B3GALNT1: variants seen among roughly 807,000 people sequenced by gnomAD.
B3GALNT1 encodes the protein beta-1,3-N-acetylgalactosaminyltransferase 1 (Globoside blood group).
In B3GALNT1, 17 loss-of-function variants were observed where a neutral mutation model predicts 27.3. The observed-to-expected ratio is 0.62, with a 90% CI of 0.43 to 0.94. The LOEUF (loss-of-function observed/expected upper bound fraction) is 0.94, where lower values mean the gene tolerates loss of function less well. B3GALNT1 is among the 40% of genes least tolerant of loss of function. The pLI, the probability that B3GALNT1 is intolerant of heterozygous loss-of-function variation, is 0.00. For synonymous variants in B3GALNT1, 141 were observed against 144.0 expected (o/e 0.98, Z 0.15); for missense variants, 347 against 390.0 (o/e 0.89, Z 0.93).
chr3:161,086,857 A>G, intron 4 of B3GALNT1, 69 bp from the exon 5 acceptor site: 1 of 1,468,434 alleles, frequency 6.8e-7, no homozygotes, highest in Non-Finnish European at 9.3e-7. Context: ...ACATCTGACT[A>G]TCTACTCAAG....
chr3:161,090,700 TAAAA>T (rs879563624), intron 4 of B3GALNT1, among the ~76,000 whole-genome samples: 1 of 144,258 alleles, frequency 6.9e-6, no homozygotes, highest in East Asian at 2.0e-4. Context: ...ATCTCTACTT[TAAAA>T]AAAAAAAAAA....
chr3:161,092,770 T>C lies in B3GALNT1; in HGVS notation c.-34-5982A>G, dbSNP rs553745927. 1.9e-3 allele frequency among the ~76,000 whole-genome samples: 274 copies of C among 142,712 alleles called. 1 individual carries two copies. The highest frequency in any genetic ancestry group is 6.1e-3 in the African/African-American group (234 of 38,346). 93.6% of individuals were successfully genotyped at this position (142,712 alleles called of 152,430 possible). The stretch of plus-strand genomic sequence containing the variant: ...CTCAAAAGTTTCATTTTTCTTTTTT[T>C]TTTTTTTTTTTTTTGAGATGGAGTC... On this transcript the variant is annotated intron_variant, in intron 4 of 4. Transcript: ENST00000320474.
In B3GALNT1 at chr3:161,086,658, T is replaced by C; in HGVS notation, c.97A>G (p.Met33Val). The C allele has an allele frequency of 6.2e-7, 1 of 1,614,090 alleles. No homozygotes were observed. The highest frequency in any genetic ancestry group is 8.5e-7 in the Non-Finnish European group (1 of 1,180,016). ...TAGTGGGGAAGGCTGAGGTACCACA[T>C]CACAAAGAAACTCAGGAGTGACAGC... The part of the protein sequence containing the change: ...LLLSLLSFFV[M>V]WYLSLPHYNV... The change falls in exon 5 of 5, where the codon ATG (methionine) becomes GTG (valine). Residue 33 changes from methionine to valine, a missense_variant. Coordinates refer to ENST00000320474, the MANE Select transcript of B3GALNT1 (RefSeq NM_003781.4).
intron 4 of B3GALNT1, among the ~76,000 whole-genome samples, chr3:161,098,599 G>C (rs749852597): frequency 6.6e-6 from 1 of 152,180 alleles, no homozygotes; most frequent in Non-Finnish European, 1.5e-5. Context: ...TGTAATGCCA[G>C]CTATTCGAGT....
chr3:161,096,982 C>A (rs1728530458), intron 4 of B3GALNT1, among the ~76,000 whole-genome samples: 1 of 152,130 alleles, frequency 6.6e-6, no homozygotes, highest in South Asian at 2.1e-4. Flanking sequence ...TTTAAAGCTC[C>A]CAGGTGATTT....
At chr3:161,092,765 T>TTC (rs1402869833) in intron 4 of B3GALNT1, among the ~76,000 whole-genome samples, 15 of 137,960 alleles carry the variant, frequency 1.1e-4, no homozygotes, top group Non-Finnish European at 2.0e-4. Flanking sequence ...TCATTTTTCT[T>TTC]TTTTTTTTTT....
Position 161,103,481 on chromosome 3 carries a change from C to T in B3GALNT1, c.-184G>A. 7.8e-7 allele frequency: 1 copy of T among 1,282,604 alleles called. No individual in the cohort carries two copies. The highest frequency in any genetic ancestry group is 2.3e-5 in the Admixed American group (1 of 43,334). 79.5% of individuals were successfully genotyped at this position (1,282,604 alleles called of 1,614,324 possible). On this transcript the variant is annotated 5_prime_UTR_variant, in exon 3 of 5. The change abolishes an upstream ATG in the 5' untranslated region. Transcript: ENST00000320474. ...AAGTTTTTTGTTGTTTTCTGTATTC[C>T]ATGCTTAATTAAAACACTCAGATCT...
At chr3:161,087,045 C>G (rs1722423952) in intron 4 of B3GALNT1, among the ~76,000 whole-genome samples, 1 of 152,042 alleles carries the variant, frequency 6.6e-6, no homozygotes, top group Non-Finnish European at 1.5e-5. Flanking sequence ...CCTACTCTAC[C>G]TAAATTAACA....
chr3:161,102,388 A>G (rs1215398605), intron 3 of B3GALNT1, among the ~76,000 whole-genome samples: 1 of 152,118 alleles, frequency 6.6e-6, no homozygotes, highest in Non-Finnish European at 1.5e-5. Flanking sequence ...CCAACCTTCC[A>G]GCACTTGGGG....
At chr3:161,099,344 T>G (rs1019018955) in intron 4 of B3GALNT1, among the ~76,000 whole-genome samples, 3 of 151,936 alleles carry the variant, frequency 2.0e-5, no homozygotes, top group Non-Finnish European at 4.4e-5. Context: ...TTTTAACAGG[T>G]GAGAAAAAGC....
chr3:161,102,668 G>T (rs1560016663), intron 3 of B3GALNT1, among the ~76,000 whole-genome samples: 1 of 152,184 alleles, frequency 6.6e-6, no homozygotes, highest in Non-Finnish European at 1.5e-5. Context: ...GTTGTGCAAG[G>T]TCATTAAGAG....
rs760833730 is a variant in B3GALNT1, at chr3:161,085,860, C to T, written c.895G>A (p.Val299Ile). 4 of 1,614,010 alleles carry T rather than the reference C, an allele frequency of 2.5e-6. No individual in the cohort carries two copies. Among genetic ancestry groups the T allele is most frequent in the South Asian group, 1.1e-5 (1 of 91,078 alleles). The change falls in exon 5 of 5, where the codon GTC (valine) becomes ATC (isoleucine). Residue 299 changes from valine to isoleucine, a missense_variant. Physicochemically the swap from Val to Ile is conservative, Grantham distance 29. Coordinates refer to ENST00000320474, the MANE Select transcript of B3GALNT1 (RefSeq NM_003781.4). ...GCAATCACACGTCTCAGTTGACAGA[C>T]ATCCAAATGGATTCTATATAGAAAG... ...LFFLYRIHLD[V>I]CQLRRVIAAH...
At position 161,103,988 on chromosome 3, in the gene B3GALNT1, A is replaced by G. The variant is rs573535859; in HGVS notation, c.-221+331T>C. ...GTGATCTGCCCGCCTCGGCCTCCCA[A>G]AGTGCTGGAATTACTGGCGTGAGCC... On this transcript the variant is annotated intron_variant, in intron 2 of 4. Coordinates refer to ENST00000320474, the MANE Select transcript of B3GALNT1 (RefSeq NM_003781.4). 51 of 208,564 alleles carry G rather than the reference A, an allele frequency of 2.4e-4. 1 individual carries two copies. The South Asian group carries it at 3.4e-3, about 14-fold the overall frequency. 12.9% of individuals were successfully genotyped at this position (208,564 alleles called of 1,614,324 possible). A position where few individuals can be genotyped will look rare whatever the true frequency, so the allele number is the denominator to read the frequency against.
intron 4 of B3GALNT1, among the ~76,000 whole-genome samples, chr3:161,095,424 A>T (rs1261267928): frequency 6.6e-6 from 1 of 152,234 alleles, no homozygotes; most frequent in Non-Finnish European, 1.5e-5. Context: ...GTGACTTAGC[A>T]AGTTTAGGGC....
intron 4 of B3GALNT1, among the ~76,000 whole-genome samples, chr3:161,089,446 T>C (rs1335240487): frequency 6.6e-6 from 1 of 152,190 alleles, no homozygotes; most frequent in Admixed American, 6.5e-5. Flanking sequence ...AGATGTTTCA[T>C]AGGAAAAGTA....
chr3:161,094,354 G>T (rs541617056), intron 4 of B3GALNT1, among the ~76,000 whole-genome samples: 1 of 152,112 alleles, frequency 6.6e-6, no homozygotes, highest in Non-Finnish European at 1.5e-5. Context: ...GTAACTAATT[G>T]TTCATGCAGA....
In B3GALNT1 at chr3:161,086,502, T is replaced by A; in HGVS notation, c.253A>T (p.Thr85Ser). Reference protein sequence around the residue: ...HQNPFLVILVTSHPSDVKARQ... With the variant: ...HQNPFLVILVSSHPSDVKARQ... ...GCTTTCACATCTGAAGGGTGGGAGG[T>A]CACCAGAATGACCAGAAATGGATTT... The change falls in exon 5 of 5, where the codon ACC becomes TCC. Residue 85 changes from threonine to serine, a missense_variant. Coordinates refer to ENST00000320474, the MANE Select transcript of B3GALNT1 (RefSeq NM_003781.4). 6.2e-7 allele frequency: 1 copy of A among 1,613,676 alleles called. No individual in the cohort carries two copies. The highest frequency in any genetic ancestry group is 1.3e-5 in the African/African-American group (1 of 74,852).
intron 4 of B3GALNT1, among the ~76,000 whole-genome samples, chr3:161,087,007 T>TA (rs1722408920): frequency 1.3e-5 from 2 of 152,164 alleles, no homozygotes; most frequent in African/African-American, 4.8e-5. Flanking sequence ...GGTTAAAACA[T>TA]ATCCTTTGAT....
chr3:161,098,492 C>T (rs190616197), intron 4 of B3GALNT1, among the ~76,000 whole-genome samples: 3 of 152,232 alleles, frequency 2.0e-5, no homozygotes, highest in Admixed American at 6.5e-5. Context: ...GGCTGGCAGA[C>T]TGCTTGAGGT....
Sources: gnomAD v4.1 joint callset for allele counts (sites outside exome capture counted in the v4.1 genomes callset) on GRCh38, gnomAD v4.1.1 for gene constraint, MANE v1.5 for transcripts, NCBI Gene and HGNC (gene_info 2026-07-23, HGNC 2026-07-21) for gene names.